The following STXBP5 variants were observed in gnomAD, a reference collection of about 807,000 sequenced individuals.
The protein encoded by STXBP5 is syntaxin-binding protein 5.
STXBP5 carries 50 observed loss-of-function variants against 152.4 expected under a neutral mutation model. That is an observed-to-expected ratio of 0.33 (90% CI 0.26 to 0.42). The LOEUF is 0.42. STXBP5 is among the 10% of genes least tolerant of loss of function. The probability of loss-of-function intolerance (pLI) is 1.00; values close to 1 mark genes in which losing one functional copy is unlikely to be tolerated. For missense variants in STXBP5, 1,167 were observed against 1,388.6 expected (o/e 0.84, Z 2.54); for synonymous variants, 492 against 494.7 (o/e 0.99, Z 0.07).
chr6:147,378,437 C>T lies in STXBP5; in HGVS notation c.3194-4341C>T, dbSNP rs553745570. ...AAAAAAAAAAAAAAAAATTCTTATCCGTTCCTGATAGAGACTCCTAGAAAC... is the reference window on the plus strand; with the variant it reads ...AAAAAAAAAAAAAAAAATTCTTATCTGTTCCTGATAGAGACTCCTAGAAAC... On this transcript the variant is annotated intron_variant, in intron 26 of 27. Coordinates refer to ENST00000321680, the MANE Select transcript of STXBP5 (RefSeq NM_001127715.4). 4.7e-5 allele frequency among the ~76,000 whole-genome samples: 7 copies of T among 150,454 alleles called. No individual in the cohort carries two copies. The South Asian group carries it at 1.1e-3, about 23-fold the overall frequency.
rs1002244705 is a variant in STXBP5 at position 147,389,243 on chromosome 6, G to A, written c.*4488G>A. 6.6e-6 allele frequency: 1 copy of A among 151,478 alleles called. No individual in the cohort carries two copies. The highest frequency in any genetic ancestry group is 2.4e-5 in the African/African-American group (1 of 41,402). 9.4% of individuals were successfully genotyped at this position (151,478 alleles called of 1,614,324 possible). ...TATTAATGATTTTACTACTGCCTCC[G>A]AAGTTTTAAAAAAGGTTCTGTAGAC... On this transcript the variant is annotated 3_prime_UTR_variant, in exon 28 of 28. Coordinates refer to ENST00000321680, the MANE Select transcript of STXBP5 (RefSeq NM_001127715.4).
chr6:147,297,962 A>C (rs938229350), intron 9 of STXBP5, among the ~76,000 whole-genome samples: 3 of 152,114 alleles, frequency 2.0e-5, no homozygotes, highest in Non-Finnish European at 4.4e-5. Context: ...AGGATACAGA[A>C]AAGCAAGAAA....
intron 4 of STXBP5, among the ~76,000 whole-genome samples, chr6:147,240,398 G>T (rs1778484382): frequency 6.6e-6 from 1 of 152,030 alleles, no homozygotes; most frequent in Non-Finnish European, 1.5e-5. Flanking sequence ...TTGTATATAT[G>T]TATGTATATA....
In STXBP5 at chr6:147,309,164, A is replaced by T. The variant is rs996877478; in HGVS notation, c.918-920A>T. On this transcript the variant is annotated intron_variant, in intron 9 of 27. Transcript: ENST00000321680. The stretch of plus-strand genomic sequence containing the variant: ...TGGCTTATAGATGTGAAGACTAAAA[A>T]TTCTAGAGATGGAAAAGAAGGAAGT... 4.6e-5 allele frequency among the ~76,000 whole-genome samples: 7 copies of T among 152,168 alleles called. No homozygotes were observed. The East Asian group carries it at 9.6e-4, about 21-fold the overall frequency.
rs919957336 is a variant in STXBP5 at position 147,236,260 on chromosome 6, A to G, written c.330+929A>G. ...TTCAAGGTCAGAGGATGTGTTTTTAAAAACTTCAGTATCCTGTATAGAACT... is the reference window on the plus strand; with the variant it reads ...TTCAAGGTCAGAGGATGTGTTTTTAGAAACTTCAGTATCCTGTATAGAACT... On this transcript the variant is annotated intron_variant, in intron 3 of 27. Transcript: ENST00000321680. Among the ~76,000 whole-genome samples the G allele has an allele frequency of 2.4e-4, 36 of 152,170 alleles. 1 individual carries two copies. The highest frequency in any genetic ancestry group is 1.0e-4 in the Non-Finnish European group (7 of 68,024).
chr6:147,353,501 T>C, intron 22 of STXBP5, 128 bp downstream of exon 22: 1 of 523,970 alleles, frequency 1.9e-6, no homozygotes. Context: ...TGCTTAAGGT[T>C]TAAACATTCT....
intron 2 of STXBP5, among the ~76,000 whole-genome samples, chr6:147,216,831 C>G (rs1366195621): frequency 1.3e-5 from 2 of 152,068 alleles, no homozygotes; most frequent in Non-Finnish European, 2.9e-5. Context: ...TTATATTAAT[C>G]TTCATTTGAA....
chr6:147,340,219 T>C (rs1274229683), intron 21 of STXBP5, among the ~76,000 whole-genome samples: 1 of 152,084 alleles, frequency 6.6e-6, no homozygotes, highest in Non-Finnish European at 1.5e-5. Context: ...GCAGATGGAA[T>C]AGTTTTACTT....
intron 6 of STXBP5, among the ~76,000 whole-genome samples, chr6:147,266,170 G>C (rs1382099442): frequency 6.6e-6 from 1 of 152,076 alleles, no homozygotes; most frequent in African/African-American, 2.4e-5. Context: ...TATGGTAAGG[G>C]ATGGAACTGG....
At chr6:147,205,412 A>G (rs1776497185) in intron 1 of STXBP5, among the ~76,000 whole-genome samples, 1 of 150,298 alleles carries the variant, frequency 6.7e-6, no homozygotes, top group Admixed American at 6.6e-5. Context: ...CTAATGCCCT[A>G]AAATGATTAT....
intron 6 of STXBP5, among the ~76,000 whole-genome samples, chr6:147,263,691 G>GT (rs1439814017): frequency 6.6e-6 from 1 of 151,906 alleles, no homozygotes; most frequent in African/African-American, 2.4e-5. Flanking sequence ...CCATACCTTT[G>GT]TTTAAGTGAG....
chr6:147,264,709 C>A (rs535323839), intron 6 of STXBP5, among the ~76,000 whole-genome samples: 1 of 152,004 alleles, frequency 6.6e-6, no homozygotes, highest in Non-Finnish European at 1.5e-5. Context: ...ATAAAAGATT[C>A]TAGTAGGAAT....
rs766853384 is a variant in STXBP5, at chr6:147,373,802, A to G, written c.3153A>G (p.Leu1051=). ...CAAACAGGGGATTCTTTAAAGGCTT[A>G]TTTGGAGGTGGTGCACAATCTCTTG... The part of the protein sequence containing the change: ...EAPNRGFFKG[L]FGGGAQSLDR... The change falls in exon 26 of 28, where the codon TTA becomes TTG. Residue 1051 remains leucine, a synonymous_variant. Coordinates refer to ENST00000321680, the MANE Select transcript of STXBP5 (RefSeq NM_001127715.4). 1.2e-6 allele frequency: 2 copies of G among 1,613,788 alleles called. No individual in the cohort carries two copies. The highest frequency in any genetic ancestry group is 2.2e-5 in the South Asian group (2 of 91,084).
intron 3 of STXBP5, among the ~76,000 whole-genome samples, chr6:147,238,445 T>C (rs955745419): frequency 1.3e-5 from 2 of 152,186 alleles, no homozygotes; most frequent in Non-Finnish European, 2.9e-5. Context: ...TCACCACCTC[T>C]CAACACCACT....
At chr6:147,328,203 G>C (rs79328871) in intron 18 of STXBP5, among the ~76,000 whole-genome samples, 1 of 152,088 alleles carries the variant, frequency 6.6e-6, no homozygotes, top group Non-Finnish European at 1.5e-5. Context: ...CAAAAAGATG[G>C]CATTTGATAT....
At chr6:147,353,235 A>G (rs1784668628) in intron 21 of STXBP5, 88 bp from the exon 22 acceptor site, 1 of 761,066 alleles carries the variant, frequency 1.3e-6, no homozygotes, top group African/African-American at 1.8e-5. Flanking sequence ...TTTAGTAATA[A>G]AAGTATTCAC....
chr6:147,265,501 G>A (rs532827723), intron 6 of STXBP5, among the ~76,000 whole-genome samples: 51 of 152,192 alleles, frequency 3.4e-4, no homozygotes, highest in Admixed American at 1.8e-3. Flanking sequence ...AAGAAAAGGA[G>A]CATCTTAATT....
chr6:147,335,491 AC>A (rs1783778822), intron 19 of STXBP5, among the ~76,000 whole-genome samples: 1 of 152,232 alleles, frequency 6.6e-6, no homozygotes, highest in Admixed American at 6.5e-5. Context: ...TATATTAAAT[AC>A]CATGGGAGAT....
At chr6:147,269,749 A>G (rs986665994) in intron 7 of STXBP5, among the ~76,000 whole-genome samples, 1 of 152,170 alleles carries the variant, frequency 6.6e-6, no homozygotes, top group African/African-American at 2.4e-5. Flanking sequence ...CAAAGGATTA[A>G]TACGCTTCAG....
Sources: gnomAD v4.1 joint callset for allele counts (sites outside exome capture counted in the v4.1 genomes callset) on GRCh38, gnomAD v4.1.1 for gene constraint, MANE v1.5 for transcripts, NCBI Gene and HGNC (gene_info 2026-07-23, HGNC 2026-07-21) for gene names.